The following R3HDM1 variants were observed in gnomAD, a reference collection of about 807,000 sequenced individuals.
R3HDM1 encodes R3H domain containing 1.
A neutral mutation model predicts 141.1 loss-of-function variants in R3HDM1; 46 were observed. That is an observed-to-expected ratio of 0.33 (90% confidence interval 0.26 to 0.42). The LOEUF (loss-of-function observed/expected upper bound fraction) is 0.42. Ranked by LOEUF, R3HDM1 falls within the 10% of genes least tolerant of loss-of-function variation. The pLI, the probability that R3HDM1 is intolerant of heterozygous loss-of-function variation, is 1.00. For missense variants in R3HDM1, 1,184 were observed against 1,368.3 expected (o/e 0.87, Z 2.12); for synonymous variants, 435 against 472.9 (o/e 0.92, Z 1.04).
chr2:135,643,439 A>G (rs1455440650), intron 15 of R3HDM1, among the ~76,000 whole-genome samples: 3 of 150,724 alleles, frequency 2.0e-5, no homozygotes, highest in African/African-American at 4.9e-5. Context: ...ATGGAAAGGG[A>G]TTTACTATGG....
intron 7 of R3HDM1, among the ~76,000 whole-genome samples, chr2:135,625,421 G>A (rs2061913084): frequency 6.6e-6 from 1 of 152,010 alleles, no homozygotes; most frequent in South Asian, 2.1e-4. Context: ...CTCCAGCCTG[G>A]GCAATAAGAG....
intron 1 of R3HDM1, among the ~76,000 whole-genome samples, chr2:135,535,286 G>T (rs1233530087): frequency 6.6e-6 from 1 of 152,080 alleles, no homozygotes; most frequent in East Asian, 1.9e-4. Context: ...AGATCACAAG[G>T]TCAGCAGTTC....
At chr2:135,645,974 C>A (rs984413668) in intron 16 of R3HDM1, among the ~76,000 whole-genome samples, 1 of 152,078 alleles carries the variant, frequency 6.6e-6, no homozygotes, top group Non-Finnish European at 1.5e-5. Flanking sequence ...CAAAGCAGTT[C>A]TGAGTTAGAA....
At chr2:135,694,887 T>C (rs1387833706) in intron 21 of R3HDM1, among the ~76,000 whole-genome samples, 1 of 152,164 alleles carries the variant, frequency 6.6e-6, no homozygotes, top group Non-Finnish European at 1.5e-5. Context: ...AAACAATCCC[T>C]GGAACTCACC....
chr2:135,609,333 TA>T (rs1359258929), intron 3 of R3HDM1, among the ~76,000 whole-genome samples: 29 of 152,232 alleles, frequency 1.9e-4, no homozygotes, highest in African/African-American at 7.0e-4. Context: ...ATTACTTTCA[TA>T]AAAATTTCTT....
intron 1 of R3HDM1, among the ~76,000 whole-genome samples, chr2:135,553,485 A>G (rs1405417656): frequency 6.6e-6 from 1 of 152,218 alleles, no homozygotes; most frequent in Non-Finnish European, 1.5e-5. Flanking sequence ...TGAGATGTGT[A>G]GCAGTTGCAG....
intron 3 of R3HDM1, among the ~76,000 whole-genome samples, chr2:135,611,442 C>T (rs541070567): frequency 6.6e-6 from 1 of 152,188 alleles, no homozygotes; most frequent in East Asian, 1.9e-4. Flanking sequence ...TACATAGAGC[C>T]TAGCAAATGG....
At chr2:135,563,791 G>T (rs1041632618) in intron 1 of R3HDM1, among the ~76,000 whole-genome samples, 3 of 152,078 alleles carry the variant, frequency 2.0e-5, no homozygotes, top group Non-Finnish European at 4.4e-5. Flanking sequence ...TTTTTGCATT[G>T]CTATAAAGGA....
Position 135,710,142 on chromosome 2 carries a change from C to G in R3HDM1, c.2647C>G (p.Pro883Ala). 1.9e-6 allele frequency: 3 copies of G among 1,613,950 alleles called. No homozygotes were observed. The highest frequency in any genetic ancestry group is 2.5e-6 in the Non-Finnish European group (3 of 1,179,842). ...CAATCCACAATCTTGTGCCCACTCACCCCCGCAGTGGAAACAAAACAAATA... is the reference window on the plus strand; with the variant it reads ...CAATCCACAATCTTGTGCCCACTCAGCCCCGCAGTGGAAACAAAACAAATA... ...PNNPQSCAHSPPQWKQNKYYC... is the reference protein window; with the variant it reads ...PNNPQSCAHSAPQWKQNKYYC... Residue 883 changes from proline (P) to alanine (A), a missense_variant, in exon 23 of 27, where the codon CCC (proline) becomes GCC (alanine). Physicochemically the swap from Pro to Ala is conservative, Grantham distance 27. This residue lies in a region of R3HDM1 where 563 missense variants were observed against 562.0 expected (regional missense o/e 1.00). Coordinates refer to ENST00000683871, the MANE Select transcript of R3HDM1 (RefSeq NM_001378107.1).
intron 1 of R3HDM1, among the ~76,000 whole-genome samples, chr2:135,593,563 T>C (rs1289648410): frequency 6.6e-6 from 1 of 152,138 alleles, no homozygotes; most frequent in East Asian, 1.9e-4. Flanking sequence ...TTCATGATCT[T>C]CCAGTTTTGT....
intron 1 of R3HDM1, among the ~76,000 whole-genome samples, chr2:135,567,657 T>G (rs1189800167): frequency 6.6e-6 from 1 of 152,140 alleles, no homozygotes; most frequent in African/African-American, 2.4e-5. Flanking sequence ...ATTGAAAGGG[T>G]AAACCATGCC....
chr2:135,546,778 T>C (rs1439643574), intron 1 of R3HDM1, among the ~76,000 whole-genome samples: 1 of 152,114 alleles, frequency 6.6e-6, no homozygotes, highest in Admixed American at 6.6e-5. Flanking sequence ...TTCAGGACAT[T>C]CTCCTGCCTC....
intron 1 of R3HDM1, chr2:135,577,009 A>G (rs937225754): frequency 1.3e-5 from 9 of 690,782 alleles, no homozygotes; most frequent in East Asian, 1.3e-4. Flanking sequence ...AATGTATGCT[A>G]TATAAATTAT....
rs957753023 is a variant in R3HDM1, at chr2:135,535,787, A to G, written c.-250+4154A>G. On this transcript the variant is annotated intron_variant, in intron 1 of 26. Coordinates refer to ENST00000683871, the MANE Select transcript of R3HDM1 (RefSeq NM_001378107.1). ...TGTACCTAATGAGACGTTAGCATCAACATGACTGTATATCATTTCCAGAAT... is the reference window on the plus strand; with the variant it reads ...TGTACCTAATGAGACGTTAGCATCAGCATGACTGTATATCATTTCCAGAAT... 3.9e-5 allele frequency among the ~76,000 whole-genome samples: 6 copies of G among 152,342 alleles called. No individual in the cohort carries two copies. In the East Asian group the frequency reaches 9.6e-4, roughly 24 times the overall value.
chr2:135,605,671 A>G (rs568200290), intron 3 of R3HDM1: 1 of 152,244 alleles, frequency 6.6e-6, no homozygotes, highest in South Asian at 2.1e-4. Context: ...TAACACTTTT[A>G]AACAATTTAT....
At chr2:135,714,787 A>ACACACACG (rs1559503591) in intron 23 of R3HDM1, among the ~76,000 whole-genome samples, 1 of 151,768 alleles carries the variant, frequency 6.6e-6, no homozygotes, top group East Asian at 1.9e-4. Context: ...ACACACACAC[A>ACACACACG]CACAGAGAAA....
intron 24 of R3HDM1, 186 bp from the exon 25 acceptor site, chr2:135,721,738 C>T (rs1378516172): frequency 9.2e-6 from 4 of 433,566 alleles, no homozygotes; most frequent in Non-Finnish European, 1.7e-5. Context: ...CAGGCGCCCA[C>T]CACCAGGCCT....
chr2:135,722,502 A>G lies in R3HDM1; in HGVS notation c.2998A>G (p.Arg1000Gly). ...TGGCAGCAGGCATGGAAACCGAGGA[A>G]GGAGACAAGCTAAAAAAGCTGCATC... The part of the protein sequence containing the change: ...QPGSRHGNRG[R>G]RQAKKAASTD... Residue 1000 changes from arginine (R) to glycine (G), a missense_variant, in exon 26 of 27, where the codon AGG becomes GGG. Arg to Gly is a moderately radical substitution (Grantham distance 125). This residue lies in a region of R3HDM1 where 182 missense variants were observed against 252.6 expected (regional missense o/e 0.72). Transcript: ENST00000683871. 1 of 1,613,900 alleles carries G rather than the reference A, an allele frequency of 6.2e-7. No individual in the cohort carries two copies.
intron 24 of R3HDM1, among the ~76,000 whole-genome samples, chr2:135,719,742 T>C (rs1399688259): frequency 3.3e-5 from 5 of 152,206 alleles, no homozygotes; most frequent in African/African-American, 9.6e-5. Context: ...TTTTAAGCAA[T>C]GTTCTCTGTA....
Sources: allele counts gnomAD v4.1 joint callset (sites outside exome capture counted in the v4.1 genomes callset), GRCh38; gene constraint gnomAD v4.1.1; regional missense constraint gnomAD v4.1.1; transcripts MANE v1.5; gene names NCBI Gene and HGNC (gene_info 2026-07-23, HGNC 2026-07-21).